The following TTC12 variants were observed in gnomAD, a reference collection of about 807,000 sequenced individuals.
The protein encoded by TTC12 is tetratricopeptide repeat domain 12.
Under a neutral mutation model 90.1 loss-of-function variants are expected in TTC12, and 70 were observed. The observed-to-expected ratio is 0.78, with a 90% CI of 0.64 to 0.95. The LOEUF (loss-of-function observed/expected upper bound fraction) is 0.95, where lower values mean the gene tolerates loss of function less well. Ranked by LOEUF, TTC12 falls within the 40% of genes least tolerant of loss-of-function variation. The pLI is 0.00. For synonymous variants in TTC12, 296 were observed against 311.5 expected, an observed-to-expected ratio of 0.95 and a Z score of 0.53; for missense variants, 819 against 846.1, an observed-to-expected ratio of 0.97 and a Z score of 0.40.
At chr11:113,330,119 A>G in intron 7 of TTC12, 140 bp downstream of exon 7, 1 of 704,900 alleles carries the variant, frequency 1.4e-6, no homozygotes, top group Non-Finnish European at 2.5e-6. Flanking sequence ...GGGATAGAAT[A>G]GAATTGTTAG....
chr11:113,338,899 T>G, intron 9 of TTC12, 65 bp downstream of exon 9: 1 of 1,447,340 alleles, frequency 6.9e-7, no homozygotes, highest in African/African-American at 1.4e-5. Context: ...TGCCTTAGAA[T>G]GCCTTCCGTG....
intron 16 of TTC12, among the ~76,000 whole-genome samples, chr11:113,355,202 C>T (rs1454601451): frequency 6.6e-6 from 1 of 151,958 alleles, no homozygotes; most frequent in East Asian, 1.9e-4. Flanking sequence ...TGTATGTGTC[C>T]AGAAATTTAT....
chr11:113,339,462 A>T lies in TTC12; in HGVS notation c.814A>T (p.Met272Leu), dbSNP rs1555145337. ...TGGGGGGATTGAGATCCTGACTGAA[A>T]TGATAAATGAGTGTAAGCCAGAGAT... ...YAGGIEILTE[M>L]INECTEQTLF... Residue 272 changes from methionine (M) to leucine (L), a missense_variant, in exon 10 of 22, where the codon ATG (methionine) becomes TTG (leucine). Met to Leu is a conservative substitution (Grantham distance 15). Coordinates refer to ENST00000529221, the MANE Select transcript of TTC12 (RefSeq NM_017868.4). 6.2e-7 allele frequency: 1 copy of T among 1,611,160 alleles called. No individual in the cohort carries two copies. The highest frequency in any genetic ancestry group is 2.2e-5 in the East Asian group (1 of 44,832).
In TTC12 at chr11:113,335,047, T is replaced by C; in HGVS notation, c.576+10T>C. The C allele has an allele frequency of 3.1e-6, 5 of 1,601,120 alleles. No homozygotes were observed. In the South Asian group the frequency reaches 4.4e-5, roughly 14 times the overall value. ...GAAGAACTACAGTGTGGTAAGTTCT[T>C]AGAGGAATGTAATTGACATGTTTGA... is the stretch of plus-strand genomic sequence containing the variant. On this transcript the variant is annotated intron_variant, in intron 8 of 21. Coordinates refer to ENST00000529221, the MANE Select transcript of TTC12 (RefSeq NM_017868.4).
chr11:113,358,936 T>C lies in TTC12; in HGVS notation c.1447-427T>C, dbSNP rs376321459. ...ACTCCCTTTCTGCCCTGCTTCTGCA[T>C]CTTCCCTTCATCTACTCTCAGTGCC... is the stretch of plus-strand genomic sequence containing the variant. On this transcript the variant is annotated intron_variant, in intron 16 of 21. Coordinates refer to ENST00000529221, the MANE Select transcript of TTC12 (RefSeq NM_017868.4). Among the ~76,000 whole-genome samples, 24 of 152,224 alleles carry C rather than the reference T, an allele frequency of 1.6e-4. 2 individuals carry two copies. The South Asian group carries it at 5.0e-3, about 32-fold the overall frequency.
chr11:113,322,835 A>G (rs1947424858), intron 2 of TTC12, among the ~76,000 whole-genome samples: 1 of 152,194 alleles, frequency 6.6e-6, no homozygotes, highest in Non-Finnish European at 1.5e-5. Flanking sequence ...TCTAAGCTGG[A>G]TAAGCAGTAA....
chr11:113,346,056 C>CA (rs782054396), intron 13 of TTC12, among the ~76,000 whole-genome samples: 2 of 152,166 alleles, frequency 1.3e-5, no homozygotes, highest in Non-Finnish European at 2.9e-5. Flanking sequence ...TGAAGCAAGA[C>CA]AGGGCTGCTG....
In TTC12 at chr11:113,350,178, T is replaced by C. The variant is rs1555149626; in HGVS notation, c.1247+13T>C. On this transcript the variant is annotated intron_variant, in intron 14 of 21. Transcript: ENST00000529221. Reference sequence around the variant, plus strand: ...CTCTGGAAGAAAGGTAATTTTTTTATTTATAGAAATTGACATTTCTTCTTC... The same window carrying C: ...CTCTGGAAGAAAGGTAATTTTTTTACTTATAGAAATTGACATTTCTTCTTC... 3.8e-6 allele frequency: 6 copies of C among 1,565,574 alleles called. No individual in the cohort carries two copies. Among genetic ancestry groups the C allele is most frequent in the Non-Finnish European group, 5.3e-6 (6 of 1,137,336 alleles).
intron 7 of TTC12, among the ~76,000 whole-genome samples, chr11:113,331,183 G>A (rs1311630974): frequency 2.0e-5 from 3 of 152,126 alleles, no homozygotes; most frequent in East Asian, 1.9e-4. Flanking sequence ...TTGTCCCATT[G>A]CACAGGTATA....
chr11:113,318,695 C>T (rs894667388), intron 2 of TTC12, among the ~76,000 whole-genome samples: 2 of 152,014 alleles, frequency 1.3e-5, no homozygotes, highest in South Asian at 2.1e-4. Flanking sequence ...AAGAGTGAGT[C>T]GGAGTTGGTC....
At chr11:113,351,976 G>A (rs543189371) in intron 15 of TTC12, 94 bp from the exon 16 acceptor site, 23 of 1,444,712 alleles carry the variant, frequency 1.6e-5, no homozygotes, top group South Asian at 4.2e-5. Context: ...TGGTTGGTTC[G>A]TGGGCCTTTT....
chr11:113,356,110 T>C (rs1023457694), intron 16 of TTC12, among the ~76,000 whole-genome samples: 1 of 152,256 alleles, frequency 6.6e-6, no homozygotes, highest in Non-Finnish European at 1.5e-5. Context: ...GCTTTATGAA[T>C]CTGGATGTTT....
chr11:113,349,032 C>G (rs1400300377), intron 13 of TTC12, among the ~76,000 whole-genome samples: 2 of 152,274 alleles, frequency 1.3e-5, no homozygotes, highest in African/African-American at 2.4e-5. Context: ...TGCAAGCTGC[C>G]TGGAGCCAGG....
At chr11:113,354,147 T>C (rs561427149) in intron 16 of TTC12, among the ~76,000 whole-genome samples, 2 of 152,302 alleles carry the variant, frequency 1.3e-5, no homozygotes, top group East Asian at 3.9e-4. Flanking sequence ...TTGAACTGTG[T>C]TTTGTAGTTC....
intron 7 of TTC12, among the ~76,000 whole-genome samples, chr11:113,332,259 C>A (rs1948107203): frequency 6.6e-6 from 1 of 152,184 alleles, no homozygotes; most frequent in Non-Finnish European, 1.5e-5. Context: ...CAAGAAAATT[C>A]TCGTGAGGGT....
chr11:113,348,147 G>A (rs1395633854), intron 13 of TTC12, among the ~76,000 whole-genome samples: 1 of 152,186 alleles, frequency 6.6e-6, no homozygotes, highest in Non-Finnish European at 1.5e-5. Context: ...TTCTGCCACT[G>A]GACATCTCTA....
At chr11:113,352,017 C>A in intron 15 of TTC12, 53 bp from the exon 16 acceptor site, 1 of 1,590,920 alleles carries the variant, frequency 6.3e-7, no homozygotes, top group Non-Finnish European at 8.6e-7. Flanking sequence ...AGAGATCATG[C>A]GGCATCCTTT....
At chr11:113,356,807 A>T (rs975092072) in intron 16 of TTC12, among the ~76,000 whole-genome samples, 1 of 152,030 alleles carries the variant, frequency 6.6e-6, no homozygotes, top group African/African-American at 2.4e-5. Context: ...TGTTAGTCTG[A>T]TGGGCTTTCC....
intron 6 of TTC12, among the ~76,000 whole-genome samples, chr11:113,328,673 T>G (rs1266906131): frequency 6.6e-6 from 1 of 152,178 alleles, no homozygotes; most frequent in Non-Finnish European, 1.5e-5. Context: ...AGTACACAAT[T>G]TAATGGAATT....
Sources: gnomAD v4.1 joint callset for allele counts (sites outside exome capture counted in the v4.1 genomes callset) on GRCh38, gnomAD v4.1.1 for gene constraint, MANE v1.5 for transcripts, NCBI Gene and HGNC (gene_info 2026-07-23, HGNC 2026-07-21) for gene names.